The following PPM1E variants were observed in gnomAD, a reference collection of about 807,000 sequenced individuals.
The protein encoded by PPM1E is protein phosphatase 1E.
A neutral mutation model predicts 65.9 loss-of-function variants in PPM1E; 20 were observed. The ratio of observed to expected loss-of-function variants is 0.30; its 90% confidence interval spans 0.21 to 0.44. PPM1E has a LOEUF of 0.44. Ranked by LOEUF, PPM1E falls within the 20% of genes least tolerant of loss-of-function variation. The pLI, the probability that PPM1E is intolerant of heterozygous loss-of-function variation, is 1.00. For synonymous variants in PPM1E, 352 were observed against 374.9 expected (o/e 0.94, Z 0.70); for missense variants, 713 against 953.1 (o/e 0.75, Z 3.32).
chr17:58,784,273 G>A (rs751508905), intron 1 of PPM1E, among the ~76,000 whole-genome samples: 22 of 151,860 alleles, frequency 1.4e-4, no homozygotes, highest in Admixed American at 3.9e-4. Flanking sequence ...TCTGCCTACC[G>A]AGGCCTCTCA....
At chr17:58,973,289 C>T (rs762748030) in intron 6 of PPM1E, among the ~76,000 whole-genome samples, 100 of 151,714 alleles carry the variant, frequency 6.6e-4, no homozygotes, top group South Asian at 1.3e-3. Flanking sequence ...TGGTGGCGGG[C>T]GCCTGTAATC....
chr17:58,969,858 G>A, intron 4 of PPM1E, 131 bp downstream of exon 4: 2 of 855,786 alleles, frequency 2.3e-6, no homozygotes, highest in Non-Finnish European at 3.5e-6. Flanking sequence ...TTGACTCACA[G>A]TATTGGATTC....
intron 1 of PPM1E, among the ~76,000 whole-genome samples, chr17:58,778,991 A>T (rs2050025612): frequency 7.4e-6 from 1 of 135,780 alleles, no homozygotes; most frequent in Non-Finnish European, 1.6e-5. Flanking sequence ...TTTTCCTTCA[A>T]CACTTTCAAG....
chr17:58,795,183 C>T (rs912827860), intron 1 of PPM1E, among the ~76,000 whole-genome samples: 2 of 152,074 alleles, frequency 1.3e-5, no homozygotes, highest in African/African-American at 2.4e-5. Context: ...TGATCCACCA[C>T]GCCCAACCTA....
intron 1 of PPM1E, among the ~76,000 whole-genome samples, chr17:58,797,757 G>C (rs1179524856): frequency 6.6e-6 from 1 of 152,118 alleles, no homozygotes; most frequent in African/African-American, 2.4e-5. Flanking sequence ...CATTAGGTAG[G>C]TAGATATACA....
intron 1 of PPM1E, among the ~76,000 whole-genome samples, chr17:58,758,933 G>A (rs2049796047): frequency 6.6e-6 from 1 of 152,016 alleles, no homozygotes; most frequent in South Asian, 2.1e-4. Flanking sequence ...AGCCGGGCAT[G>A]GTGGTGCATG....
intron 2 of PPM1E, among the ~76,000 whole-genome samples, chr17:58,957,820 A>G (rs1021486976): frequency 6.6e-6 from 1 of 152,230 alleles, no homozygotes; most frequent in Non-Finnish European, 1.5e-5. Context: ...TTAGTTTGGT[A>G]GATACAACTT....
intron 1 of PPM1E, among the ~76,000 whole-genome samples, chr17:58,828,595 G>A (rs1294513458): frequency 6.6e-6 from 1 of 152,126 alleles, no homozygotes; most frequent in Non-Finnish European, 1.5e-5. Flanking sequence ...CTCCCGAGTA[G>A]CTGGGATTAC....
intron 1 of PPM1E, chr17:58,899,658 A>T (rs1458318090): frequency 9.3e-6 from 2 of 214,656 alleles, no homozygotes; most frequent in Admixed American, 4.2e-5. Context: ...CAAGCCAAAG[A>T]TGTCATCGAA....
At position 58,955,674 on chromosome 17, in the gene PPM1E, G is replaced by A; in HGVS notation, c.490G>A (p.Ala164Thr). ...KYNCPSFLAA[A>T]LARATSDEVL... is the part of the protein sequence containing the mutation. ...TAATTGCCCTTCCTTTTTGGCTGCT[G>A]CTTTAGCCAGAGCCACATCAGATGA... is the stretch of plus-strand genomic sequence containing the variant. Residue 164 changes from alanine (A) to threonine (T), a missense_variant, in exon 2 of 7, where the codon GCT (alanine) becomes ACT (threonine). Physicochemically the swap from Ala to Thr is moderately conservative, Grantham distance 58. This residue lies in a region of PPM1E where 84 missense variants were observed against 113.9 expected (regional missense o/e 0.74). Coordinates refer to ENST00000308249, the MANE Select transcript of PPM1E (RefSeq NM_014906.5). 6.2e-7 allele frequency: 1 copy of A among 1,612,820 alleles called. No homozygotes were observed. The highest frequency in any genetic ancestry group is 1.1e-5 in the South Asian group (1 of 90,640).
chr17:58,831,644 G>C (rs1274194422), intron 1 of PPM1E, among the ~76,000 whole-genome samples: 1 of 152,168 alleles, frequency 6.6e-6, no homozygotes, highest in Non-Finnish European at 1.5e-5. Flanking sequence ...GAGATAGCTA[G>C]TATCTCCAGT....
chr17:58,895,949 C>CA (rs34230027), intron 1 of PPM1E, among the ~76,000 whole-genome samples: 50,037 of 127,618 alleles, frequency 0.39, 9,161 homozygotes, highest in Middle Eastern at 0.52. Flanking sequence ...GCTAAACATA[C>CA]AAAAAAAAAA....
chr17:58,961,351 A>G (rs998967906), intron 2 of PPM1E, among the ~76,000 whole-genome samples: 9 of 152,244 alleles, frequency 5.9e-5, no homozygotes, highest in Admixed American at 1.3e-4. Flanking sequence ...GTCAAGGGCA[A>G]TTAAGACAGT....
intron 1 of PPM1E, among the ~76,000 whole-genome samples, chr17:58,864,809 G>A (rs1471644290): frequency 1.3e-5 from 2 of 151,980 alleles, no homozygotes; most frequent in African/African-American, 2.4e-5. Flanking sequence ...GGTGGCAGGC[G>A]CCTGTAGTCC....
intron 1 of PPM1E, among the ~76,000 whole-genome samples, chr17:58,889,364 G>C (rs550290692): frequency 6.6e-6 from 1 of 152,146 alleles, no homozygotes; most frequent in Non-Finnish European, 1.5e-5. Context: ...ACTTTGGGAG[G>C]CTGAGGCAGG....
intron 1 of PPM1E, among the ~76,000 whole-genome samples, chr17:58,758,101 A>G (rs912891160): frequency 8.5e-5 from 13 of 152,372 alleles, no homozygotes; most frequent in South Asian, 2.1e-4. Flanking sequence ...TGCAGTTTGC[A>G]GAATTAAACC....
intron 1 of PPM1E, among the ~76,000 whole-genome samples, chr17:58,823,580 T>C (rs1428608308): frequency 6.6e-6 from 1 of 152,200 alleles, no homozygotes; most frequent in African/African-American, 2.4e-5. Context: ...TTTTTTTCCC[T>C]TAGGAAATTG....
chr17:58,880,663 G>T (rs1050523589), intron 1 of PPM1E, among the ~76,000 whole-genome samples: 3 of 151,954 alleles, frequency 2.0e-5, no homozygotes, highest in African/African-American at 7.3e-5. Flanking sequence ...TTACTCTGTC[G>T]CCCAGGCTGG....
intron 1 of PPM1E, among the ~76,000 whole-genome samples, chr17:58,927,044 A>G (rs2051831215): frequency 6.6e-6 from 1 of 151,864 alleles, no homozygotes; most frequent in Non-Finnish European, 1.5e-5. Flanking sequence ...TTGTCAGAAC[A>G]TATGGACTTG....
Sources: allele counts gnomAD v4.1 joint callset (sites outside exome capture counted in the v4.1 genomes callset), GRCh38; gene constraint gnomAD v4.1.1; regional missense constraint gnomAD v4.1.1; transcripts MANE v1.5; gene names NCBI Gene and HGNC (gene_info 2026-07-23, HGNC 2026-07-21).